Variants in URGCP observed in about 807,000 individuals in gnomAD.
URGCP encodes upregulator of cell proliferation.
Under a neutral mutation model 24.6 loss-of-function variants are expected in URGCP, and 13 were observed. That is an observed-to-expected ratio of 0.53 (90% CI 0.34 to 0.84). The LOEUF is 0.84. URGCP is among the 40% of genes least tolerant of loss of function. URGCP has a pLI of 0.01. For synonymous variants in URGCP, 444 were observed against 487.2 expected (o/e 0.91, Z 1.17); for missense variants, 899 against 1,194.3 (o/e 0.75, Z 3.64).
chr7:43,887,190 C>T (rs2286211), intron 3 of URGCP, among the ~76,000 whole-genome samples: 2,403 of 151,986 alleles, frequency 0.016, 46 homozygotes, highest in Middle Eastern at 0.12. Context: ...TAAAGTGTTG[C>T]CCATAAAAAA....
chr7:43,892,410 C>A (rs991519980), intron 1 of URGCP, among the ~76,000 whole-genome samples: 20 of 151,420 alleles, frequency 1.3e-4, no homozygotes, highest in African/African-American at 4.1e-4. Flanking sequence ...TGAGCCACCG[C>A]GAACAGCCCC....
Position 43,877,674 on chromosome 7 carries a change from C to T in URGCP, c.1789G>A (p.Gly597Arg), listed in dbSNP as rs17851647. 2 of 1,613,978 alleles carry T rather than the reference C, an allele frequency of 1.2e-6. No individual in the cohort carries two copies. The highest frequency in any genetic ancestry group is 1.3e-5 in the African/African-American group (1 of 74,922). Residue 597 changes from glycine to arginine, a missense_variant, in exon 6 of 6, where the codon GGG becomes AGG. Physicochemically the swap from Gly to Arg is moderately radical, Grantham distance 125. Coordinates refer to ENST00000453200, the MANE Select transcript of URGCP (RefSeq NM_001077663.3). ...GGCTCCCCCACGTCTGTGGTGCCCCCATGCTTTGGTCTCAGGGTGAGAAGC... is the reference window on the plus strand; with the variant it reads ...GGCTCCCCCACGTCTGTGGTGCCCCTATGCTTTGGTCTCAGGGTGAGAAGC... The part of the protein sequence containing the change: ...ETLLTLRPKH[G>R]GTTDVGEPLW...
intron 1 of URGCP, among the ~76,000 whole-genome samples, chr7:43,894,016 G>T (rs2095874897): frequency 6.6e-6 from 1 of 152,120 alleles, no homozygotes; most frequent in Non-Finnish European, 1.5e-5. Context: ...ATGATAAAGG[G>T]ATCAATTCAG....
upstream of URGCP, among the ~76,000 whole-genome samples, chr7:43,910,329 T>A (rs548710838): frequency 8.0e-5 from 12 of 150,178 alleles, no homozygotes; most frequent in African/African-American, 2.7e-4. Flanking sequence ...GATTCTCCCA[T>A]CTCAAACTCC....
At chr7:43,902,087 G>A (rs2095891836) in intron 1 of URGCP, among the ~76,000 whole-genome samples, 1 of 151,532 alleles carries the variant, frequency 6.6e-6, no homozygotes, top group African/African-American at 2.4e-5. Context: ...AGGAGTGGAG[G>A]GGAGGAACGG....
At position 43,877,430 on chromosome 7, in the gene URGCP, AG is replaced by A; in HGVS notation, c.2032del (p.Leu678SerfsTer2). On this transcript the variant is annotated frameshift_variant, in exon 6 of 6. Coordinates refer to ENST00000453200, the MANE Select transcript of URGCP (RefSeq NM_001077663.3). LOFTEE classifies it high-confidence loss of function. Reference protein sequence around the residue: ...LSMPVRWVTGLLKELHVRLER... With the variant: ...LSMPVRWVTGXLKELHVRLER... Reference sequence around the variant, plus strand: ...CAGTCGGACGTGCAGCTCCTTCAGGAGCCCTGTGACCCAGCGGACGGGCATG... The same window carrying A: ...CAGTCGGACGTGCAGCTCCTTCAGGACCCTGTGACCCAGCGGACGGGCATG... 6.2e-7 allele frequency: 1 copy of A among 1,613,462 alleles called. No individual in the cohort carries two copies. Among genetic ancestry groups the A allele is most frequent in the Non-Finnish European group, 8.5e-7 (1 of 1,179,950 alleles).
intron 5 of URGCP, chr7:43,881,080 C>A: frequency 1.5e-6 from 1 of 659,938 alleles, no homozygotes; most frequent in South Asian, 1.7e-5. Flanking sequence ...TGTGCCAAAA[C>A]AGGTGTTACT....
In URGCP at chr7:43,878,704, G is replaced by A; in HGVS notation, c.759C>T (p.Asp253=). The A allele has an allele frequency of 1.2e-6, 2 of 1,614,088 alleles. No homozygotes were observed. Among genetic ancestry groups the A allele is most frequent in the Non-Finnish European group, 1.7e-6 (2 of 1,180,032 alleles). Residue 253 remains aspartate, a synonymous_variant, in exon 6 of 6, where the codon GAC becomes GAT. Transcript: ENST00000453200. This position sits in a 1 kb window ranked among gnomAD's most constrained non-coding sequence, Gnocchi z 5.6. ...PPRGMGSFRE[D]SVVLSRAPAF... is the part of the protein sequence containing the mutation. ...CGGGCGCCCTGGACAAGACCACGCTGTCTTCCCGGAAGCTCCCCATGCCCC... is the reference window on the plus strand; with the variant it reads ...CGGGCGCCCTGGACAAGACCACGCTATCTTCCCGGAAGCTCCCCATGCCCC...
intron 1 of URGCP, chr7:43,905,990 G>C (rs1050964828): frequency 1.3e-5 from 2 of 152,204 alleles, no homozygotes; most frequent in Admixed American, 6.5e-5. Flanking sequence ...CAGGCCGGTA[G>C]GCAATGGCCC....
upstream of URGCP, chr7:43,906,613 C>T (rs902005913): frequency 1.1e-5 from 13 of 1,189,902 alleles, no homozygotes; most frequent in Admixed American, 4.4e-5. Flanking sequence ...TCCTTCGCTT[C>T]CTCCGCGCGG....
chr7:43,889,413 C>T (rs1012916005), intron 1 of URGCP: 1 of 152,214 alleles, frequency 6.6e-6, no homozygotes. Context: ...CACTTCTAAG[C>T]CTTGCTAAGT....
At position 43,881,932 on chromosome 7, in the gene URGCP, T is replaced by C; in HGVS notation, c.138A>G (p.Gly46=). 1.9e-6 allele frequency: 3 copies of C among 1,614,126 alleles called. No homozygotes were observed. The highest frequency in any genetic ancestry group is 2.5e-6 in the Non-Finnish European group (3 of 1,180,018). The change falls in exon 4 of 6, where the codon GGA becomes GGG. Residue 46 remains glycine (G), a synonymous_variant. Transcript: ENST00000453200. ...IADLEWREME[G]DDCEFRYGDG... ...CTCCATAACGGAACTCGCAATCATC[T>C]CCTTCCATTTCTCTCCATTCCAAAT...
intron 3 of URGCP, among the ~76,000 whole-genome samples, chr7:43,882,810 G>A (rs971453869): frequency 5.3e-5 from 8 of 152,112 alleles, no homozygotes; most frequent in Non-Finnish European, 1.0e-4. Context: ...TAAACTTTGG[G>A]AAAATAAAAC....
chr7:43,925,297 G>A (rs946118969), intron 1 of URGCP, among the ~76,000 whole-genome samples: 3 of 152,138 alleles, frequency 2.0e-5, no homozygotes, highest in Non-Finnish European at 4.4e-5. Context: ...AAACATAGAG[G>A]TGACCATGTG....
In URGCP at chr7:43,920,696, C is replaced by T. The variant is rs371323288; in HGVS notation, c.-116+5436G>A. Reference sequence around the variant, plus strand: ...CCATTTTGTCTTGCTACCCTTAATGCATGCACGAGGCCCTAAAATAATTTC... The same window carrying T: ...CCATTTTGTCTTGCTACCCTTAATGTATGCACGAGGCCCTAAAATAATTTC... On this transcript the variant is annotated intron_variant, in intron 1 of 5. Transcript: ENST00000426198. Among the ~76,000 whole-genome samples, 6 of 152,232 alleles carry T rather than the reference C, an allele frequency of 3.9e-5. No individual in the cohort carries two copies. The East Asian group carries it at 7.7e-4, about 20-fold the overall frequency.
rs1418485406 is a variant in URGCP, at chr7:43,877,187, C to T, written c.2276G>A (p.Gly759Glu). 1 of 1,614,062 alleles carries T rather than the reference C, an allele frequency of 6.2e-7. No individual in the cohort carries two copies. The highest frequency in any genetic ancestry group is 2.2e-5 in the East Asian group (1 of 44,900). ...LVIDSGGLIG[G>E]ALTSAGDRFE... ...TCTGTCCCCAGCTGACGTCAAGGCC[C>T]CACCTATCAAGCCCCCGGAGTCTAT... The change falls in exon 6 of 6, where the codon GGG becomes GAG. Residue 759 changes from glycine to glutamate, a missense_variant. Coordinates refer to ENST00000453200, the MANE Select transcript of URGCP (RefSeq NM_001077663.3).
chr7:43,883,701 G>T (rs972709262), intron 3 of URGCP, among the ~76,000 whole-genome samples: 1 of 152,054 alleles, frequency 6.6e-6, no homozygotes. Flanking sequence ...TCAAGATTCG[G>T]ATATTTTCAG....
chr7:43,896,686 G>C (rs561651585), intron 1 of URGCP, among the ~76,000 whole-genome samples: 2 of 152,244 alleles, frequency 1.3e-5, no homozygotes, highest in African/African-American at 2.4e-5. Context: ...AAGTTGGAGA[G>C]AGAGGGGAAC....
At chr7:43,901,044 T>G (rs2095889621) in intron 1 of URGCP, among the ~76,000 whole-genome samples, 1 of 152,240 alleles carries the variant, frequency 6.6e-6, no homozygotes. Context: ...TTAAACTGCT[T>G]AGCCAGGCCT....
Sources: allele counts gnomAD v4.1 joint callset (sites outside exome capture counted in the v4.1 genomes callset), GRCh38; gene constraint gnomAD v4.1.1; non-coding constraint Gnocchi (gnomAD v3.1); transcripts MANE v1.5; gene names NCBI Gene and HGNC (gene_info 2026-07-23, HGNC 2026-07-21).